The following INTS7 variants were observed in gnomAD, a reference collection of about 807,000 sequenced individuals.
INTS7 encodes the protein chromosome 1 open reading frame 73.
INTS7 carries 46 observed loss-of-function variants against 109.2 expected under a neutral mutation model. That is an observed-to-expected ratio of 0.42 (90% CI 0.33 to 0.54). The LOEUF (loss-of-function observed/expected upper bound fraction) is 0.54. Among genes scored for constraint, INTS7 ranks in the 20% least tolerant of loss-of-function variants. INTS7 has a pLI of 0.07. For missense variants in INTS7, 929 were observed against 1,132.4 expected (o/e 0.82, Z 2.58); for synonymous variants, 412 against 402.9 (o/e 1.02, Z -0.27).
At chr1:211,975,090 T>C (rs1280824510) in intron 13 of INTS7, 76 bp downstream of exon 13, 11 of 1,010,652 alleles carry the variant, frequency 1.1e-5, no homozygotes, top group African/African-American at 3.2e-5. Context: ...TTAGTTGAAA[T>C]AGGACAATCC....
chr1:211,989,207 G>T (rs1665037308), intron 7 of INTS7, among the ~76,000 whole-genome samples: 1 of 152,064 alleles, frequency 6.6e-6, no homozygotes, highest in Admixed American at 6.5e-5. Flanking sequence ...TGATTTTAAA[G>T]ATCATGTGGA....
At chr1:212,004,868 TAA>T (rs1558049472) in intron 7 of INTS7, among the ~76,000 whole-genome samples, 1 of 152,120 alleles carries the variant, frequency 6.6e-6, no homozygotes, top group Non-Finnish European at 1.5e-5. Context: ...TCTAAACTGG[TAA>T]AAAACGTAAG....
chr1:212,010,588 C>CA (rs1215895786), intron 5 of INTS7, among the ~76,000 whole-genome samples: 1 of 152,168 alleles, frequency 6.6e-6, no homozygotes, highest in Non-Finnish European at 1.5e-5. Flanking sequence ...GACCACATGA[C>CA]AGACGGTGGT....
intron 5 of INTS7, among the ~76,000 whole-genome samples, chr1:212,008,706 T>C (rs1666040974): frequency 6.6e-6 from 1 of 152,186 alleles, no homozygotes; most frequent in Non-Finnish European, 1.5e-5. Context: ...ACCTTGAAAC[T>C]GCCCCTCCAA....
intron 16 of INTS7, among the ~76,000 whole-genome samples, chr1:211,961,689 A>G (rs924570663): frequency 3.3e-5 from 5 of 152,120 alleles, no homozygotes; most frequent in Non-Finnish European, 7.4e-5. Context: ...TCGGCCTCCC[A>G]AAGTGCTAGG....
At chr1:211,960,055 C>T (rs1558026766) in intron 16 of INTS7, among the ~76,000 whole-genome samples, 1 of 152,166 alleles carries the variant, frequency 6.6e-6, no homozygotes. Context: ...TGGCACCACC[C>T]ATTGGAGTGT....
intron 17 of INTS7, among the ~76,000 whole-genome samples, chr1:211,951,446 T>TA (rs1362544599): frequency 6.6e-6 from 1 of 152,184 alleles, no homozygotes; most frequent in Non-Finnish European, 1.5e-5. Flanking sequence ...TAGCTGGGAT[T>TA]ACAGGCATGC....
chr1:211,975,380 C>CA lies in INTS7; in HGVS notation c.1609-9dup. On this transcript the variant is annotated splice_polypyrimidine_tract_variant and intron_variant, in intron 12 of 19. Transcript: ENST00000366994. ...GGCCATGTCATGATTACCCTAAAAA[C>CA]AAAAAAAGAAAAGAAAAAAGAATAG... 17 of 1,604,722 alleles carry CA rather than the reference C, an allele frequency of 1.1e-5. No individual in the cohort carries two copies. The highest frequency in any genetic ancestry group is 1.4e-5 in the Non-Finnish European group (16 of 1,174,788).
chr1:212,031,592 T>C (rs996482649), intron 1 of INTS7, among the ~76,000 whole-genome samples: 1 of 152,232 alleles, frequency 6.6e-6, no homozygotes, highest in African/African-American at 2.4e-5. Flanking sequence ...GATCTAGCAT[T>C]GTCCATCTCC....
intron 1 of INTS7, among the ~76,000 whole-genome samples, chr1:212,024,218 AAG>A (rs1022794699): frequency 6.6e-6 from 1 of 151,954 alleles, no homozygotes; most frequent in African/African-American, 2.4e-5. Context: ...TGAATTTTAG[AAG>A]AGTTTTTTTT....
intron 16 of INTS7, among the ~76,000 whole-genome samples, chr1:211,961,107 C>T (rs1663606178): frequency 6.6e-6 from 1 of 151,714 alleles, no homozygotes; most frequent in African/African-American, 2.4e-5. Flanking sequence ...GAATCTACAA[C>T]TCACTGATGT....
intron 9 of INTS7, 63 bp downstream of exon 9, chr1:211,982,613 A>G: frequency 1.5e-6 from 2 of 1,337,230 alleles, no homozygotes; most frequent in Non-Finnish European, 1.0e-6. Context: ...AAAAAATCAA[A>G]CAGAATTCTG....
chr1:212,010,374 A>C, intron 5 of INTS7, among the ~76,000 whole-genome samples: 1 of 152,198 alleles, frequency 6.6e-6, no homozygotes, highest in East Asian at 1.9e-4. Flanking sequence ...GTTAATACAC[A>C]TGACTTATGG....
At position 211,941,834 on chromosome 1, in the gene INTS7, G is replaced by A; in HGVS notation, c.2879C>T (p.Thr960Ile). 1.2e-6 allele frequency: 2 copies of A among 1,614,028 alleles called. No individual in the cohort carries two copies. Among genetic ancestry groups the A allele is most frequent in the Admixed American group, 1.7e-5 (1 of 60,032 alleles). The change falls in exon 20 of 20, where the codon ACA becomes ATA. Residue 960 changes from threonine (T) to isoleucine (I), a missense_variant. Physicochemically the swap from Thr to Ile is moderately conservative, Grantham distance 89 (BLOSUM62 -1). Around this residue, in one of 2 missense-constraint regions of INTS7, gnomAD observed 787 missense variants for 901.1 expected, o/e 0.87. Coordinates refer to ENST00000366994, the MANE Select transcript of INTS7 (RefSeq NM_015434.4). The part of the protein sequence containing the change: ...LQQQQQRNAY[T>I]RF ...GCATTCATTCCATGGTTAAAACCGTGTGTAGGCATTGCGTTGCTGCTGCTG... is the reference window on the plus strand; with the variant it reads ...GCATTCATTCCATGGTTAAAACCGTATGTAGGCATTGCGTTGCTGCTGCTG...
At chr1:211,998,185 A>C (rs1665496855) in intron 7 of INTS7, among the ~76,000 whole-genome samples, 1 of 152,130 alleles carries the variant, frequency 6.6e-6, no homozygotes, top group Admixed American at 6.6e-5. Flanking sequence ...GGCTACTCCT[A>C]AACTCCTCAC....
chr1:212,013,439 G>T (rs1443274815), intron 4 of INTS7, among the ~76,000 whole-genome samples: 1 of 152,188 alleles, frequency 6.6e-6, no homozygotes, highest in Non-Finnish European at 1.5e-5. Context: ...AAAGTTAAAA[G>T]AAATTAAGAC....
chr1:212,024,133 GGT>G (rs1666821707), intron 1 of INTS7, among the ~76,000 whole-genome samples: 1 of 152,108 alleles, frequency 6.6e-6, no homozygotes, highest in African/African-American at 2.4e-5. Flanking sequence ...TTTGAAATTG[GGT>G]AATGTGATGC....
intron 8 of INTS7, among the ~76,000 whole-genome samples, 180 bp downstream of exon 8, chr1:211,987,706 G>A (rs772610402): frequency 5.3e-5 from 8 of 152,008 alleles, no homozygotes; most frequent in Non-Finnish European, 1.2e-4. Flanking sequence ...TCAAGGATGC[G>A]AGATGTTGTT....
chr1:211,986,266 T>C (rs956689488), intron 8 of INTS7, among the ~76,000 whole-genome samples: 1 of 152,134 alleles, frequency 6.6e-6, no homozygotes, highest in Non-Finnish European at 1.5e-5. Flanking sequence ...ATCCTGGTCA[T>C]ACATGACCAT....
Sources: gnomAD v4.1 joint callset for allele counts (sites outside exome capture counted in the v4.1 genomes callset) on GRCh38, gnomAD v4.1.1 for gene constraint, gnomAD v4.1.1 regional missense constraint, MANE v1.5 for transcripts, NCBI Gene and HGNC (gene_info 2026-07-23, HGNC 2026-07-21) for gene names.